LACC1: variants seen among roughly 807,000 people sequenced by gnomAD.
LACC1 encodes the protein purine nucleoside phosphorylase LACC1.
In LACC1, 25 loss-of-function variants were observed where a neutral mutation model predicts 34.8. The ratio of observed to expected loss-of-function variants is 0.72; its 90% CI spans 0.52 to 1.00. The LOEUF is 1.00. Ranked by LOEUF, LACC1 falls within the 50% of genes least tolerant of loss-of-function variation. LACC1 has a pLI of 0.00. For missense variants in LACC1, 426 were observed against 511.2 expected, an observed-to-expected ratio of 0.83 and a Z score of 1.61; for synonymous variants, 162 against 168.0, an observed-to-expected ratio of 0.96 and a Z score of 0.28.
upstream of LACC1, chr13:43,879,684 C>T (rs1954827671): frequency 1.3e-5 from 2 of 152,602 alleles, no homozygotes. Context: ...TCAGGTTTCC[C>T]CTGGGATCCT....
rs570909780 is a variant in LACC1 at position 43,880,116 on chromosome 13, G to T, written c.-38G>T. 6.6e-6 allele frequency: 1 copy of T among 152,482 alleles called. No homozygotes were observed. The highest frequency in any genetic ancestry group is 1.5e-5 in the Non-Finnish European group (1 of 68,286). The allele number at this position is 152,482 out of a possible 1,614,324, so 9.4% of individuals were successfully genotyped here. On this transcript the variant is annotated 5_prime_UTR_variant, in exon 1 of 7. Transcript: ENST00000325686. ...CACAGCCTGCGCCCCGTGAGCCGAGGCGGGTAGGAGGAACAGGGACCTGGC... is the reference window on the plus strand; with the variant it reads ...CACAGCCTGCGCCCCGTGAGCCGAGTCGGGTAGGAGGAACAGGGACCTGGC...
chr13:43,885,058 A>C (rs944505947), intron 4 of LACC1, among the ~76,000 whole-genome samples: 1 of 152,244 alleles, frequency 6.6e-6, no homozygotes. Flanking sequence ...AAGGAGATTA[A>C]AGGTCTCTAC....
At position 43,888,676 on chromosome 13, in the gene LACC1, T is replaced by C. The variant is rs901344973; in HGVS notation, c.908-81T>C. ...TGAAAAATATACAAACTAAATCTGCTCACTTTTAACTTAGACATAAATTCA... is the reference window on the plus strand; with the variant it reads ...TGAAAAATATACAAACTAAATCTGCCCACTTTTAACTTAGACATAAATTCA... On this transcript the variant is annotated intron_variant, in intron 4 of 6. Transcript: ENST00000325686. 3 of 1,039,828 alleles carry C rather than the reference T, an allele frequency of 2.9e-6. No individual in the cohort carries two copies. In the African/African-American group the frequency reaches 4.8e-5, roughly 17 times the overall value. 64.4% of individuals were successfully genotyped at this position (1,039,828 alleles called of 1,614,324 possible).
In LACC1 at chr13:43,882,372, T is replaced by C. The variant is rs373285585; in HGVS notation, c.741+9T>C. The C allele has an allele frequency of 4.4e-6, 7 of 1,599,444 alleles. No homozygotes were observed. In the African/African-American group the frequency reaches 6.7e-5, roughly 15 times the overall value. ...AATTTTACCGAATAAAGGTAAAATT[T>C]TGCTTTATATTTTGAAAGATCTAAA... On this transcript the variant is annotated intron_variant, in intron 3 of 6. Coordinates refer to ENST00000325686, the MANE Select transcript of LACC1 (RefSeq NM_153218.4).
Position 43,892,687 on chromosome 13 carries a change from C to T in LACC1, c.*1240C>T, listed in dbSNP as rs538221777. The T allele has an allele frequency of 1.3e-5, 2 of 151,932 alleles. No homozygotes were observed. Among genetic ancestry groups the T allele is most frequent in the Non-Finnish European group, 2.9e-5 (2 of 67,956 alleles). 9.4% of individuals were successfully genotyped at this position (151,932 alleles called of 1,614,324 possible). The stretch of plus-strand genomic sequence containing the variant: ...GAGATGATACCTGATTCTATTGGAG[C>T]AGGTTTGATCATCTAGGCAGAAATT... On this transcript the variant is annotated 3_prime_UTR_variant, in exon 7 of 7. Coordinates refer to ENST00000325686, the MANE Select transcript of LACC1 (RefSeq NM_153218.4).
At chr13:43,883,661 A>C in intron 3 of LACC1, 110 bp from the exon 4 acceptor site, 1 of 681,948 alleles carries the variant, frequency 1.5e-6, no homozygotes, top group Non-Finnish European at 2.2e-6. Flanking sequence ...GAATGCTAGT[A>C]ATCTTAAACT....
At chr13:43,885,818 G>C (rs543132550) in intron 4 of LACC1, among the ~76,000 whole-genome samples, 2 of 152,178 alleles carry the variant, frequency 1.3e-5, no homozygotes, top group African/African-American at 4.8e-5. Flanking sequence ...AGAGTAAACA[G>C]AAAACCTACA....
intron 3 of LACC1, among the ~76,000 whole-genome samples, chr13:43,883,112 G>T (rs1045108599): frequency 2.6e-5 from 4 of 152,164 alleles, no homozygotes; most frequent in African/African-American, 9.7e-5. Flanking sequence ...GTCAGTGACC[G>T]GGTGGGTAAT....
intron 6 of LACC1, among the ~76,000 whole-genome samples, chr13:43,891,178 G>C (rs1183233070): frequency 6.6e-6 from 1 of 152,204 alleles, no homozygotes; most frequent in Non-Finnish European, 1.5e-5. Context: ...CAGCAAGACT[G>C]AGTGTAATTT....
At chr13:43,884,117 A>G (rs895783242) in intron 4 of LACC1, among the ~76,000 whole-genome samples, 181 bp downstream of exon 4, 2 of 152,196 alleles carry the variant, frequency 1.3e-5, no homozygotes, top group African/African-American at 4.8e-5. Context: ...GCATCAAATT[A>G]TATGAATTAT....
Position 43,882,274 on chromosome 13 carries a change from C to G in LACC1, c.652C>G (p.Arg218Gly). ...SSFNLFSSSK[R>G]RDPKVVVQEN... ...ATTCAATCTCTTCAGTAGTTCCAAA[C>G]GGAGAGATCCCAAGGTAGTGGTTCA... is the stretch of plus-strand genomic sequence containing the variant. The change falls in exon 3 of 7, where the codon CGG becomes GGG. Residue 218 changes from arginine to glycine, a missense_variant. Arg to Gly is a moderately radical substitution (Grantham distance 125). This residue lies in a region of LACC1 where 209 missense variants were observed against 300.3 expected (regional missense o/e 0.70). Coordinates refer to ENST00000325686, the MANE Select transcript of LACC1 (RefSeq NM_153218.4). 1 of 1,613,408 alleles carries G rather than the reference C, an allele frequency of 6.2e-7. No individual in the cohort carries two copies. The highest frequency in any genetic ancestry group is 8.5e-7 in the Non-Finnish European group (1 of 1,179,488).
At position 43,890,229 on chromosome 13, in the gene LACC1, C is replaced by G. The variant is rs768900599; in HGVS notation, c.1249C>G (p.Leu417Val). ...DKFFSHVRDG[L>V]NFGTQIGFIS... ...GTTTTTCTCCCATGTCCGAGATGGC[C>G]TTAATTTTGGTACACAGATTGGCTT... is the stretch of plus-strand genomic sequence containing the variant. Residue 417 changes from leucine to valine, a missense_variant, in exon 6 of 7, where the codon CTT becomes GTT. Around this residue, in one of 2 missense-constraint regions of LACC1, gnomAD observed 209 missense variants for 300.3 expected, o/e 0.70. Transcript: ENST00000325686. The G allele has an allele frequency of 7.4e-6, 12 of 1,613,548 alleles. No individual in the cohort carries two copies. The Admixed American group carries it at 1.5e-4, about 20-fold the overall frequency.
intron 6 of LACC1, among the ~76,000 whole-genome samples, chr13:43,890,695 T>C (rs1307187117): frequency 6.6e-6 from 1 of 152,236 alleles, no homozygotes; most frequent in Non-Finnish European, 1.5e-5. Context: ...TGAAAACAAA[T>C]CTTTGCATAA....
At chr13:43,884,736 C>T (rs1387597029) in intron 4 of LACC1, among the ~76,000 whole-genome samples, 1 of 152,014 alleles carries the variant, frequency 6.6e-6, no homozygotes, top group Non-Finnish European at 1.5e-5. Context: ...AAATCTATGG[C>T]TACTTTGCTT....
chr13:43,882,568 T>TATATAA (rs1955124802), intron 3 of LACC1, among the ~76,000 whole-genome samples: 1 of 146,608 alleles, frequency 6.8e-6, no homozygotes, highest in Non-Finnish European at 1.5e-5. Flanking sequence ...CGTGCAGATA[T>TATATAA]ATATATATAT....
rs556691464 is a variant in LACC1 at position 43,892,131 on chromosome 13, A to G, written c.*684A>G. ...GGAAACAGATAAGTAAGGGTCTCAAATGCAATGTCAAAGAGCTTGCAGTTT... is the reference window on the plus strand; with the variant it reads ...GGAAACAGATAAGTAAGGGTCTCAAGTGCAATGTCAAAGAGCTTGCAGTTT... On this transcript the variant is annotated 3_prime_UTR_variant, in exon 7 of 7. Coordinates refer to ENST00000325686, the MANE Select transcript of LACC1 (RefSeq NM_153218.4). 3.0e-4 allele frequency: 46 copies of G among 151,226 alleles called. 2 individuals carry two copies. The highest frequency in any genetic ancestry group is 1.1e-3 in the African/African-American group (44 of 41,362). 9.4% of individuals were successfully genotyped at this position (151,226 alleles called of 1,614,324 possible). A position where few individuals can be genotyped will look rare whatever the true frequency, so the allele number is the denominator to read the frequency against.
rs1324711654 is a variant in LACC1 at position 43,891,770 on chromosome 13, T to TGTTAA, written c.*325_*329dup. On this transcript the variant is annotated 3_prime_UTR_variant, in exon 7 of 7. Transcript: ENST00000325686. ...GATACCCTCTATTGGTCAGGCATTG[T>TGTTAA]GTTAAGCATATGTGAATCAAAATGA... is the stretch of plus-strand genomic sequence containing the variant. The TGTTAA allele has an allele frequency of 6.1e-6, 1 of 162,606 alleles. No homozygotes were observed. Among genetic ancestry groups the TGTTAA allele is most frequent in the African/African-American group, 2.4e-5 (1 of 41,650 alleles). The allele number at this position is 162,606 out of a possible 1,614,324, so 10.1% of individuals were successfully genotyped here.
At chr13:43,879,800 A>AGGCGGGGCGGGGCGGGGCGG (rs1241680078), upstream of LACC1, 840 of 77,802 alleles carry the variant, frequency 0.011, 19 homozygotes, top group Admixed American at 0.035. Flanking sequence ...AGGCGGGGCG[A>AGGCGGGGCGGGGCGGGGCGG]GGCGAGGCGG....
At chr13:43,883,408 AG>A (rs1414628201) in intron 3 of LACC1, among the ~76,000 whole-genome samples, 1 of 152,208 alleles carries the variant, frequency 6.6e-6, no homozygotes, top group Admixed American at 6.5e-5. Context: ...GAAAAGTAAA[AG>A]TATCATTGAT....
Sources: allele counts gnomAD v4.1 joint callset (sites outside exome capture counted in the v4.1 genomes callset), GRCh38; gene constraint gnomAD v4.1.1; regional missense constraint gnomAD v4.1.1; transcripts MANE v1.5; gene names NCBI Gene and HGNC (gene_info 2026-07-23, HGNC 2026-07-21).